KLC1: variants seen among roughly 807,000 people sequenced by gnomAD.
KLC1 encodes the protein kinesin 2 60/70kDa.
Under a neutral mutation model 84.2 loss-of-function variants are expected in KLC1, and 30 were observed. That is an observed-to-expected ratio of 0.36 (90% CI 0.27 to 0.48). KLC1 has a LOEUF of 0.48. Among genes scored for constraint, KLC1 ranks in the 20% least tolerant of loss-of-function variants. The pLI, the probability that KLC1 is intolerant of heterozygous loss-of-function variation, is 0.99. For synonymous variants in KLC1, 289 were observed against 293.3 expected, an observed-to-expected ratio of 0.99 and a Z score of 0.15; for missense variants, 499 against 805.4, an observed-to-expected ratio of 0.62 and a Z score of 4.60.
intron 15 of KLC1, chr14:103,697,020 G>T (rs1293047364): frequency 1.0e-6 from 1 of 985,448 alleles, no homozygotes; most frequent in Non-Finnish European, 1.2e-6. Flanking sequence ...GCTTCCAGGC[G>T]TGTTTTCTCT....
At position 103,657,616 on chromosome 14, in the gene KLC1, G is replaced by A. The variant is rs535642955; in HGVS notation, c.332G>A (p.Arg111His). 1 of 1,614,064 alleles carries A rather than the reference G, an allele frequency of 6.2e-7. No individual in the cohort carries two copies. Among genetic ancestry groups the A allele is most frequent in the African/African-American group, 1.3e-5 (1 of 74,918 alleles). ...AAGCAGAAACTGCGTGCGCAGGTTC[G>A]TCGTCTGTGCCAGGAGAATCAGTGG... ...SEKQKLRAQV[R>H]RLCQENQWLR... is the part of the protein sequence containing the mutation. The change falls in exon 3 of 17, where the codon CGT (arginine) becomes CAT (histidine). Residue 111 changes from arginine (R) to histidine (H), a missense_variant. Arg to His is a conservative substitution (Grantham distance 29). This residue lies in a region of KLC1 where 179 missense variants were observed against 264.2 expected (regional missense o/e 0.68). Coordinates refer to ENST00000334553, the MANE Select transcript of KLC1 (RefSeq NM_001394837.1).
At chr14:103,680,168 C>G (rs2081232458) in intron 13 of KLC1, among the ~76,000 whole-genome samples, 1 of 152,200 alleles carries the variant, frequency 6.6e-6, no homozygotes, top group Non-Finnish European at 1.5e-5. Context: ...CTGGGTTTTA[C>G]TGGTTTGCCC....
At chr14:103,650,581 C>CTTT (rs530758320) in intron 1 of KLC1, among the ~76,000 whole-genome samples, 8 of 135,854 alleles carry the variant, frequency 5.9e-5, no homozygotes, top group Admixed American at 1.5e-4. Flanking sequence ...AGCCTGTATA[C>CTTT]TTTTTTTTTT....
At chr14:103,667,017 G>C (rs1312437154) in intron 5 of KLC1, among the ~76,000 whole-genome samples, 1 of 147,998 alleles carries the variant, frequency 6.8e-6, no homozygotes, top group Non-Finnish European at 1.5e-5. Flanking sequence ...GACCTCAGGT[G>C]ACCCACCCGC....
chr14:103,669,319 C>G (rs1418445309), intron 5 of KLC1, among the ~76,000 whole-genome samples, 192 bp from the exon 6 acceptor site: 1 of 151,706 alleles, frequency 6.6e-6, no homozygotes, highest in Non-Finnish European at 1.5e-5. Flanking sequence ...CCTGTAATCC[C>G]AGCTACTCAG....
At chr14:103,681,132 G>A (rs1163098144) in intron 13 of KLC1, among the ~76,000 whole-genome samples, 1 of 152,136 alleles carries the variant, frequency 6.6e-6, no homozygotes, top group East Asian at 1.9e-4. Context: ...TGATTCTATA[G>A]GCCATGTGCA....
At chr14:103,635,077 A>G (rs998688060) in intron 1 of KLC1, among the ~76,000 whole-genome samples, 2 of 152,196 alleles carry the variant, frequency 1.3e-5, no homozygotes, top group African/African-American at 4.8e-5. Flanking sequence ...CAGTTTGCAT[A>G]TATGCTTTTT....
chr14:103,638,993 G>A (rs902738960), intron 1 of KLC1, among the ~76,000 whole-genome samples: 1 of 152,104 alleles, frequency 6.6e-6, no homozygotes, highest in Non-Finnish European at 1.5e-5. Context: ...TGTTCTTCTT[G>A]TTGGTAGAAT....
intron 15 of KLC1, chr14:103,699,472 T>A (rs368831796): frequency 6.2e-6 from 10 of 1,612,728 alleles, no homozygotes; most frequent in Non-Finnish European, 8.5e-6. Context: ...GGCTGTCAAA[T>A]TCACAGCGGA....
intron 1 of KLC1, among the ~76,000 whole-genome samples, chr14:103,643,820 C>T (rs574876697): frequency 3.0e-4 from 46 of 152,120 alleles, no homozygotes; most frequent in African/African-American, 1.1e-3. Context: ...CCCAGCTACT[C>T]GGGAGGCTGA....
Position 103,687,144 on chromosome 14 carries a change from A to C in KLC1, c.1714A>C (p.Ser572Arg). 1.3e-6 allele frequency: 2 copies of C among 1,549,418 alleles called. No individual in the cohort carries two copies. The highest frequency in any genetic ancestry group is 1.7e-6 in the Non-Finnish European group (2 of 1,145,292). The change falls in exon 14 of 17, where the codon AGC becomes CGC. Residue 572 changes from serine (S) to arginine (R), a missense_variant. Ser to Arg is a moderately radical substitution (Grantham distance 110). Transcript: ENST00000334553. ...FSKLRASIRR[S>R]SEKLVRKLKG... ...CAAACTCCGGGCTTCCATTAGACGCAGCAGTGAGAAGCTGGTTAGGAAGCT... is the reference window on the plus strand; with the variant it reads ...CAAACTCCGGGCTTCCATTAGACGCCGCAGTGAGAAGCTGGTTAGGAAGCT...
At chr14:103,700,360 G>A (rs1291265604) in intron 15 of KLC1, 9 of 372,284 alleles carry the variant, frequency 2.4e-5, no homozygotes, top group East Asian at 5.0e-5. Flanking sequence ...GGGTGCTGCC[G>A]TGGCCTGTGG....
intron 1 of KLC1, among the ~76,000 whole-genome samples, chr14:103,633,682 C>G (rs991308818): frequency 7.2e-5 from 11 of 152,060 alleles, no homozygotes; most frequent in Admixed American, 4.6e-4. Flanking sequence ...AGCACCCCAC[C>G]CTGTCTCTTT....
In KLC1 at chr14:103,693,687, C is replaced by T; in HGVS notation, c.1848+1262C>T. Reference sequence around the variant, plus strand: ...CCCCGCCCTGCCACGCCCCTCACCGCCCTGCCCGGAGGCGCCAGCCGCACT... The same window carrying T: ...CCCCGCCCTGCCACGCCCCTCACCGTCCTGCCCGGAGGCGCCAGCCGCACT... On this transcript the variant is annotated intron_variant, in intron 15 of 16. Transcript: ENST00000334553. This position sits in a 1 kb window ranked among gnomAD's most constrained non-coding sequence, Gnocchi z 5.1. 1 of 1,518,704 alleles carries T rather than the reference C, an allele frequency of 6.6e-7. No homozygotes were observed. The highest frequency in any genetic ancestry group is 8.8e-7 in the Non-Finnish European group (1 of 1,136,680). The allele number at this position is 1,518,704 out of a possible 1,614,324, so 94.1% of individuals were successfully genotyped here. A position where few individuals can be genotyped will look rare whatever the true frequency, so the allele number is the denominator to read the frequency against.
At chr14:103,651,269 G>A (rs568313462) in intron 1 of KLC1, among the ~76,000 whole-genome samples, 1 of 152,194 alleles carries the variant, frequency 6.6e-6, no homozygotes, top group Non-Finnish European at 1.5e-5. Context: ...CGGCCTCCCA[G>A]AGTGCTAGGA....
At chr14:103,670,083 T>C in intron 6 of KLC1, 99 bp from the exon 7 acceptor site, 1 of 803,844 alleles carries the variant, frequency 1.2e-6, no homozygotes, top group Non-Finnish European at 2.0e-6. Context: ...CTAAGAATGC[T>C]TTACTGTATA....
chr14:103,666,651 G>A (rs556802818), intron 5 of KLC1, among the ~76,000 whole-genome samples: 1 of 149,452 alleles, frequency 6.7e-6, no homozygotes, highest in South Asian at 2.1e-4. Context: ...TGGCTGGAGT[G>A]CAATGGTGTG....
intron 1 of KLC1, among the ~76,000 whole-genome samples, chr14:103,640,419 G>C (rs2077394579): frequency 6.7e-6 from 1 of 149,884 alleles, no homozygotes; most frequent in African/African-American, 2.5e-5. Flanking sequence ...GGAGTGCAGT[G>C]GCGCGATCTC....
At chr14:103,663,329 C>G (rs142264118) in intron 5 of KLC1, among the ~76,000 whole-genome samples, 2,457 of 152,224 alleles carry the variant, frequency 0.016, 64 homozygotes, top group African/African-American at 0.055. Context: ...ATCCGCCCGC[C>G]TCAGCCTCCC....
Sources: allele counts gnomAD v4.1 joint callset (sites outside exome capture counted in the v4.1 genomes callset), GRCh38; gene constraint gnomAD v4.1.1; regional missense constraint gnomAD v4.1.1; non-coding constraint Gnocchi (gnomAD v3.1); transcripts MANE v1.5; gene names NCBI Gene and HGNC (gene_info 2026-07-23, HGNC 2026-07-21).